Variants in QTMAN observed in about 807,000 individuals in gnomAD.
The protein encoded by QTMAN is tRNA-queuosine alpha-mannosyltransferase.
At chr2:144,124,440 T>A in the QTMAN span, among the ~76,000 whole-genome samples, 1 of 152,162 alleles carries the variant, frequency 6.6e-6, no homozygotes, top group African/African-American at 2.4e-5. Context: ...AGTACCTCGC[T>A]TATAAACTTA....
chr2:144,255,000 A>T, the QTMAN span, among the ~76,000 whole-genome samples: 16 of 152,228 alleles, frequency 1.1e-4, no homozygotes, highest in African/African-American at 3.9e-4. Flanking sequence ...CACTGTAACT[A>T]GGAAGTAACT....
chr2:144,173,455 G>A, the QTMAN span, among the ~76,000 whole-genome samples: 3 of 152,186 alleles, frequency 2.0e-5, no homozygotes, highest in African/African-American at 7.2e-5. Flanking sequence ...GGCAAGAAAT[G>A]AGGGTGGCCT....
At chr2:144,168,658 A>C in the QTMAN span, among the ~76,000 whole-genome samples, 4 of 152,166 alleles carry the variant, frequency 2.6e-5, no homozygotes, top group Non-Finnish European at 5.9e-5. Flanking sequence ...AAGTACTGTA[A>C]AAGGTTATTA....
the QTMAN span, among the ~76,000 whole-genome samples, chr2:144,143,383 T>C: frequency 6.6e-6 from 1 of 151,956 alleles, no homozygotes; most frequent in Admixed American, 6.6e-5. Flanking sequence ...GTAGAGCTTA[T>C]AGAATAGGAA....
the QTMAN span, chr2:143,945,730 A>G: frequency 2.6e-5 from 4 of 152,220 alleles, no homozygotes. Context: ...GGTGTATAGA[A>G]GTTACTCATT....
At chr2:144,048,825 C>T in the QTMAN span, among the ~76,000 whole-genome samples, 2 of 111,254 alleles carry the variant, frequency 1.8e-5, no homozygotes, top group Non-Finnish European at 3.3e-5. Context: ...TGCATACACA[C>T]ACACACACAC....
the QTMAN span, among the ~76,000 whole-genome samples, chr2:144,147,014 GTTA>G: frequency 1.3e-5 from 2 of 151,706 alleles, no homozygotes; most frequent in East Asian, 3.9e-4. Flanking sequence ...TATCATCCTT[GTTA>G]TTACCATGAT....
chr2:144,024,422 C>G, the QTMAN span, among the ~76,000 whole-genome samples: 1 of 152,166 alleles, frequency 6.6e-6, no homozygotes. Context: ...TTTCTGGGTC[C>G]TGGATGCTTC....
the QTMAN span, among the ~76,000 whole-genome samples, chr2:144,236,289 A>G: frequency 1.3e-5 from 2 of 152,104 alleles, no homozygotes; most frequent in African/African-American, 4.8e-5. Flanking sequence ...TAAATACCTT[A>G]AGAATACTAC....
At chr2:144,019,177 TTC>T in the QTMAN span, among the ~76,000 whole-genome samples, 1 of 152,100 alleles carries the variant, frequency 6.6e-6, no homozygotes, top group Non-Finnish European at 1.5e-5. Context: ...TGAATAAACA[TTC>T]CAGATACGGC....
the QTMAN span, among the ~76,000 whole-genome samples, chr2:144,107,800 A>G: frequency 6.6e-6 from 1 of 152,216 alleles, no homozygotes; most frequent in South Asian, 2.1e-4. Context: ...AGACACAACA[A>G]AAAAAGAGAA....
the QTMAN span, among the ~76,000 whole-genome samples, chr2:144,215,878 A>C: frequency 2.0e-5 from 3 of 152,176 alleles, no homozygotes; most frequent in African/African-American, 7.2e-5. Context: ...AATCACAAAT[A>C]ATCTTTCCAA....
chr2:143,953,396 C>T, the QTMAN span, among the ~76,000 whole-genome samples: 15 of 151,804 alleles, frequency 9.9e-5, no homozygotes, highest in Admixed American at 9.8e-4. Flanking sequence ...AAACTCTTCC[C>T]CCTTTTGTTG....
At chr2:144,218,815 A>AT in the QTMAN span, among the ~76,000 whole-genome samples, 1 of 151,454 alleles carries the variant, frequency 6.6e-6, no homozygotes, top group Non-Finnish European at 1.5e-5. Flanking sequence ...GTCACTGAGT[A>AT]TAAGGTACTG....
the QTMAN span, among the ~76,000 whole-genome samples, chr2:144,085,949 T>G: frequency 3.3e-5 from 5 of 152,208 alleles, no homozygotes; most frequent in African/African-American, 1.2e-4. Flanking sequence ...TTTAATACCA[T>G]GAGATTTCCA....
chr2:144,095,665 G>C, the QTMAN span, among the ~76,000 whole-genome samples: 1 of 152,032 alleles, frequency 6.6e-6, no homozygotes, highest in East Asian at 1.9e-4. Context: ...GGTATTCCTG[G>C]TTAAAAAGAT....
chr2:144,111,404 A>T, the QTMAN span, among the ~76,000 whole-genome samples: 1 of 152,122 alleles, frequency 6.6e-6, no homozygotes, highest in Non-Finnish European at 1.5e-5. Context: ...TCCAAATACA[A>T]CTATAGCAGT....
chr2:144,142,102 A>G, the QTMAN span: 1 of 1,411,828 alleles, frequency 7.1e-7, no homozygotes, highest in Admixed American at 1.8e-5. Context: ...AGACTCATTC[A>G]GAGTAATTTT....
the QTMAN span, among the ~76,000 whole-genome samples, chr2:144,072,978 A>C: frequency 1.3e-5 from 2 of 152,124 alleles, no homozygotes; most frequent in Non-Finnish European, 2.9e-5. Flanking sequence ...CTCTGTGGCC[A>C]TATTTCTCTA....
Sources: allele counts gnomAD v4.1 joint callset (sites outside exome capture counted in the v4.1 genomes callset), GRCh38; gene constraint gnomAD v4.1.1; transcripts MANE v1.5; gene names NCBI Gene and HGNC (gene_info 2026-07-23, HGNC 2026-07-21).